MITF: variants seen among roughly 807,000 people sequenced by gnomAD.
The protein encoded by MITF is melanocyte inducing transcription factor.
In MITF, 17 loss-of-function variants were observed where a neutral mutation model predicts 60.5. The observed-to-expected ratio is 0.28, with a 90% CI of 0.19 to 0.42. MITF has a LOEUF of 0.42. MITF is among the 10% of genes least tolerant of loss of function. The pLI is 1.00. For synonymous variants in MITF, 260 were observed against 248.5 expected (o/e 1.05, Z -0.43); for missense variants, 622 against 683.5 (o/e 0.91, Z 1.00).
chr3:69,828,684 ATGT>A (rs1465399111), intron 1 of MITF, among the ~76,000 whole-genome samples: 2 of 152,124 alleles, frequency 1.3e-5, no homozygotes, highest in Non-Finnish European at 2.9e-5. Context: ...ATTCCACTAA[ATGT>A]ACAACCTGTT....
intron 2 of MITF, among the ~76,000 whole-genome samples, chr3:69,915,948 A>C (rs2065324220): frequency 6.6e-6 from 1 of 152,208 alleles, no homozygotes; most frequent in Admixed American, 6.5e-5. Flanking sequence ...TGGCAAAGGA[A>C]CACCTGCATT....
intron 7 of MITF, among the ~76,000 whole-genome samples, chr3:69,954,571 G>A (rs912146159): frequency 3.3e-5 from 5 of 152,132 alleles, no homozygotes; most frequent in African/African-American, 9.7e-5. Flanking sequence ...CCAATGGGGC[G>A]TGTCTGGCTT....
chr3:69,831,073 G>T (rs2063439241), intron 1 of MITF, among the ~76,000 whole-genome samples: 1 of 152,102 alleles, frequency 6.6e-6, no homozygotes, highest in South Asian at 2.1e-4. Flanking sequence ...AACCTTGCAG[G>T]GTTGCTCTGA....
intron 6 of MITF, among the ~76,000 whole-genome samples, chr3:69,950,679 A>G (rs2066227372): frequency 6.6e-6 from 1 of 151,066 alleles, no homozygotes; most frequent in African/African-American, 2.4e-5. Flanking sequence ...TGCTAAAAAG[A>G]TTTCTATTTT....
intron 1 of MITF, among the ~76,000 whole-genome samples, chr3:69,777,078 T>A (rs2062486211): frequency 6.6e-6 from 1 of 152,164 alleles, no homozygotes; most frequent in Non-Finnish European, 1.5e-5. Flanking sequence ...ATTTTGCAGA[T>A]CACAAAAGAT....
chr3:69,899,071 G>T (rs1052305878), intron 2 of MITF, among the ~76,000 whole-genome samples: 3 of 152,302 alleles, frequency 2.0e-5, no homozygotes, highest in East Asian at 3.9e-4. Flanking sequence ...AGAAAGTTTT[G>T]TAGGAATATG....
chr3:69,858,303 G>C (rs1451723527), intron 1 of MITF, among the ~76,000 whole-genome samples: 2 of 152,088 alleles, frequency 1.3e-5, no homozygotes, highest in Non-Finnish European at 2.9e-5. Flanking sequence ...CAACAGACAG[G>C]AAGGATTTTT....
chr3:69,914,270 T>C (rs990852220), intron 2 of MITF, among the ~76,000 whole-genome samples: 1 of 152,134 alleles, frequency 6.6e-6, no homozygotes, highest in Non-Finnish European at 1.5e-5. Context: ...TACAGGCACA[T>C]GCCACCACAA....
intron 1 of MITF, among the ~76,000 whole-genome samples, chr3:69,849,302 A>G (rs1270032723): frequency 6.6e-6 from 1 of 152,176 alleles, no homozygotes; most frequent in African/African-American, 2.4e-5. Context: ...GGGTCTATGA[A>G]TGAAGCAGGA....
At chr3:69,944,144 C>T (rs942709119) in intron 5 of MITF, among the ~76,000 whole-genome samples, 5 of 152,130 alleles carry the variant, frequency 3.3e-5, no homozygotes, top group African/African-American at 9.7e-5. Context: ...CATACCTCTT[C>T]ATTCCATCTA....
At chr3:69,845,832 C>A (rs1461975324) in intron 1 of MITF, among the ~76,000 whole-genome samples, 1 of 152,196 alleles carries the variant, frequency 6.6e-6, no homozygotes, top group Admixed American at 6.5e-5. Context: ...ACTGAATTGG[C>A]TTTTCTTTAA....
intron 2 of MITF, among the ~76,000 whole-genome samples, chr3:69,926,150 G>A (rs1023037598): frequency 6.6e-6 from 1 of 152,146 alleles, no homozygotes. Flanking sequence ...AAGCACTGCC[G>A]AGCTGCTGCT....
chr3:69,837,967 T>TAATATGTAC (rs1356259937), intron 1 of MITF, among the ~76,000 whole-genome samples: 1 of 152,222 alleles, frequency 6.6e-6, no homozygotes. Context: ...AATATGTACA[T>TAATATGTAC]AGAACGTTCT....
At chr3:69,939,380 G>A (rs1395743095) in intron 4 of MITF, among the ~76,000 whole-genome samples, 199 bp downstream of exon 4, 2 of 150,686 alleles carry the variant, frequency 1.3e-5, no homozygotes, top group Non-Finnish European at 1.5e-5. Context: ...AAACTAAAAT[G>A]TGTTTTTCCC....
At chr3:69,900,864 G>A (rs2064979883) in intron 2 of MITF, among the ~76,000 whole-genome samples, 1 of 152,166 alleles carries the variant, frequency 6.6e-6, no homozygotes, top group East Asian at 1.9e-4. Context: ...TGAAATTCTT[G>A]CATTTGTTAA....
chr3:69,798,324 C>T (rs918709411), intron 1 of MITF, among the ~76,000 whole-genome samples: 13 of 152,206 alleles, frequency 8.5e-5, no homozygotes, highest in African/African-American at 3.1e-4. Context: ...ATGTTTTTGT[C>T]AGCTGCACAG....
intron 2 of MITF, among the ~76,000 whole-genome samples, chr3:69,901,971 T>C (rs1304274646): frequency 1.3e-5 from 2 of 152,192 alleles, no homozygotes; most frequent in Non-Finnish European, 2.9e-5. Context: ...CAGGCAAAGT[T>C]GGGGCAATGG....
At chr3:69,791,080 T>A (rs779771492) in intron 1 of MITF, among the ~76,000 whole-genome samples, 3 of 152,246 alleles carry the variant, frequency 2.0e-5, no homozygotes, top group African/African-American at 4.8e-5. Context: ...TGAACAAATA[T>A]AGTCCCAATG....
In MITF at chr3:69,785,235, C is replaced by T. The variant is rs149328088; in HGVS notation, c.104+45534C>T. 1.9e-3 allele frequency among the ~76,000 whole-genome samples: 293 copies of T among 151,728 alleles called. 2 individuals carry two copies. The highest frequency in any genetic ancestry group is 6.6e-3 in the African/African-American group (274 of 41,382). On this transcript the variant is annotated intron_variant, in intron 1 of 9. Transcript: ENST00000352241. ...GCAAGCTGAGTGGAGCAGTGAGTCA[C>T]GGCGTGCTGCGGCAGTGGTGTCCTG...
Sources: gnomAD v4.1 joint callset for allele counts (sites outside exome capture counted in the v4.1 genomes callset) on GRCh38, gnomAD v4.1.1 for gene constraint, MANE v1.5 for transcripts, NCBI Gene and HGNC (gene_info 2026-07-23, HGNC 2026-07-21) for gene names.